Variants in MPPED2 observed in about 807,000 individuals in gnomAD.
MPPED2 encodes the protein metallophosphoesterase domain containing 2, also known as metallophosphoesterase MPPED2.
Under a neutral mutation model 33.0 loss-of-function variants are expected in MPPED2, and 5 were observed. The ratio of observed to expected loss-of-function variants is 0.15; its 90% CI spans 0.08 to 0.32. The LOEUF is 0.32. Ranked by LOEUF, MPPED2 falls within the 10% of genes least tolerant of loss-of-function variation. The pLI, the probability that MPPED2 is intolerant of heterozygous loss-of-function variation, is 1.00. For missense variants in MPPED2, 275 were observed against 372.1 expected, an observed-to-expected ratio of 0.74 and a Z score of 2.15; for synonymous variants, 136 against 141.9, an observed-to-expected ratio of 0.96 and a Z score of 0.29.
At chr11:30,493,030 A>G (rs1363956177) in intron 4 of MPPED2, among the ~76,000 whole-genome samples, 1 of 152,204 alleles carries the variant, frequency 6.6e-6, no homozygotes, top group African/African-American at 2.4e-5. Flanking sequence ...GTTCAAAATC[A>G]TTGTCGGGGT....
intron 4 of MPPED2, among the ~76,000 whole-genome samples, chr11:30,421,937 C>T (rs1948633860): frequency 6.6e-6 from 1 of 152,084 alleles, no homozygotes. Context: ...GGTCTTTCCA[C>T]AAGACAGTGG....
At chr11:30,520,457 T>G (rs925452092) in intron 3 of MPPED2, among the ~76,000 whole-genome samples, 29 of 152,234 alleles carry the variant, frequency 1.9e-4, no homozygotes, top group Admixed American at 1.8e-3. Context: ...ACAAAAAGAA[T>G]GTTCATTTGG....
At chr11:30,517,991 A>G (rs1352451464) in intron 3 of MPPED2, among the ~76,000 whole-genome samples, 1 of 151,816 alleles carries the variant, frequency 6.6e-6, no homozygotes, top group African/African-American at 2.4e-5. Context: ...TGTGAACAAC[A>G]AATTCACACT....
At chr11:30,558,409 CTTTTTTT>C (rs113061596) in intron 2 of MPPED2, among the ~76,000 whole-genome samples, 3 of 147,428 alleles carry the variant, frequency 2.0e-5, no homozygotes, top group South Asian at 2.2e-4. Context: ...TTGCTTCCTT[CTTTTTTT>C]TTTTATTTTT....
intron 3 of MPPED2, among the ~76,000 whole-genome samples, chr11:30,532,973 C>T (rs1053115019): frequency 6.6e-6 from 1 of 152,206 alleles, no homozygotes; most frequent in Non-Finnish European, 1.5e-5. Context: ...AGCTTAAACA[C>T]ATCTTTCAAA....
chr11:30,572,489 A>G (rs1590906650), intron 2 of MPPED2, among the ~76,000 whole-genome samples: 1 of 152,202 alleles, frequency 6.6e-6, no homozygotes, highest in East Asian at 1.9e-4. Context: ...AGTGCAAACT[A>G]AAAGGACAAT....
intron 3 of MPPED2, among the ~76,000 whole-genome samples, chr11:30,507,026 A>C (rs1324185488): frequency 6.6e-6 from 1 of 152,262 alleles, no homozygotes; most frequent in African/African-American, 2.4e-5. Context: ...TTAGACTAAA[A>C]TATAGAAATG....
At chr11:30,413,224 G>C (rs1008118511) in intron 6 of MPPED2, among the ~76,000 whole-genome samples, 145 of 152,304 alleles carry the variant, frequency 9.5e-4, no homozygotes, top group African/African-American at 3.2e-3. Flanking sequence ...CTTTGAAAAA[G>C]CAAACTTTGT....
chr11:30,507,261 C>T lies in MPPED2; in HGVS notation c.311-11740G>A, dbSNP rs185844140. On this transcript the variant is annotated intron_variant, in intron 3 of 6. Transcript: ENST00000358117. ...ATTTTCTTCCCTCTGAAGGGAATTTCGGGGAATATTTTATTGCCATCAAAT... is the reference window on the plus strand; with the variant it reads ...ATTTTCTTCCCTCTGAAGGGAATTTTGGGGAATATTTTATTGCCATCAAAT... 5.9e-5 allele frequency among the ~76,000 whole-genome samples: 9 copies of T among 152,294 alleles called. No individual in the cohort carries two copies. The East Asian group carries it at 7.7e-4, about 13-fold the overall frequency.
chr11:30,482,520 T>C (rs1462750510), intron 4 of MPPED2, among the ~76,000 whole-genome samples: 1 of 152,214 alleles, frequency 6.6e-6, no homozygotes, highest in Admixed American at 6.5e-5. Context: ...GTCTACTTTT[T>C]GCATGATTTC....
At chr11:30,452,563 C>T (rs1030921975) in intron 4 of MPPED2, among the ~76,000 whole-genome samples, 1 of 152,186 alleles carries the variant, frequency 6.6e-6, no homozygotes, top group African/African-American at 2.4e-5. Flanking sequence ...TGGGGTCCAA[C>T]TCGAACTTAC....
At chr11:30,439,685 A>T (rs1021920077) in intron 4 of MPPED2, among the ~76,000 whole-genome samples, 13 of 152,234 alleles carry the variant, frequency 8.5e-5, no homozygotes, top group Admixed American at 7.2e-4. Context: ...GCTTCTTCTC[A>T]TGAATTGCCT....
intron 3 of MPPED2, among the ~76,000 whole-genome samples, chr11:30,523,274 A>AG (rs1953973375): frequency 6.6e-6 from 1 of 152,206 alleles, no homozygotes; most frequent in Non-Finnish European, 1.5e-5. Context: ...GATGGAATCA[A>AG]GATTCCTGGA....
At chr11:30,494,593 C>A (rs1043521550) in intron 4 of MPPED2, among the ~76,000 whole-genome samples, 1 of 151,770 alleles carries the variant, frequency 6.6e-6, no homozygotes, top group Non-Finnish European at 1.5e-5. Context: ...TGAAAATTAG[C>A]CGGGTACAGT....
At chr11:30,470,907 A>G (rs1410325169) in intron 4 of MPPED2, among the ~76,000 whole-genome samples, 1 of 152,182 alleles carries the variant, frequency 6.6e-6, no homozygotes, top group African/African-American at 2.4e-5. Flanking sequence ...CTCCATAAAT[A>G]TACCTCCACA....
rs575365791 is a variant in MPPED2, at chr11:30,451,599, C to T, written c.537-33966G>A. On this transcript the variant is annotated intron_variant, in intron 4 of 6. Transcript: ENST00000358117. The stretch of plus-strand genomic sequence containing the variant: ...ATCTCAGGAACCCCACCACTACCAC[C>T]CTCACTCTCACTCCATGGGAGACGT... 5.2e-5 allele frequency: 36 copies of T among 696,736 alleles called. 1 individual carries two copies. The Admixed American group carries it at 8.8e-4, about 17-fold the overall frequency. 43.2% of individuals were successfully genotyped at this position (696,736 alleles called of 1,614,324 possible).
intron 4 of MPPED2, among the ~76,000 whole-genome samples, chr11:30,423,621 T>A (rs1296795764): frequency 3.3e-5 from 5 of 152,292 alleles, no homozygotes; most frequent in Middle Eastern, 3.4e-3. Flanking sequence ...CAGACCCAAG[T>A]TCAAGTTCCA....
At chr11:30,524,127 G>T (rs1954030748) in intron 3 of MPPED2, among the ~76,000 whole-genome samples, 1 of 152,086 alleles carries the variant, frequency 6.6e-6, no homozygotes, top group South Asian at 2.1e-4. Flanking sequence ...ACCAGTGCCT[G>T]TAATTCCAGC....
chr11:30,426,458 ACCCGGATAATAAGT>A (rs374259429), intron 4 of MPPED2, among the ~76,000 whole-genome samples: 28 of 152,092 alleles, frequency 1.8e-4, no homozygotes, highest in African/African-American at 6.5e-4. Flanking sequence ...CCACAGGGAG[ACCCGGATAATAAGT>A]CCCAGTCCCT....
Sources: gnomAD v4.1 joint callset for allele counts (sites outside exome capture counted in the v4.1 genomes callset) on GRCh38, gnomAD v4.1.1 for gene constraint, MANE v1.5 for transcripts, NCBI Gene and HGNC (gene_info 2026-07-23, HGNC 2026-07-21) for gene names.